Variants in NRIP1 observed in about 807,000 individuals in gnomAD.
The protein encoded by NRIP1 is nuclear receptor-interacting protein 1.
NRIP1 carries 28 observed loss-of-function variants against 75.0 expected under a neutral mutation model. The ratio of observed to expected loss-of-function variants is 0.37; its 90% CI spans 0.28 to 0.51. The LOEUF is 0.51. Ranked by LOEUF, NRIP1 falls within the 20% of genes least tolerant of loss-of-function variation. The pLI is 0.92. For synonymous variants in NRIP1, 526 were observed against 487.6 expected, an observed-to-expected ratio of 1.08 and a Z score of -1.04; for missense variants, 1,435 against 1,343.7, an observed-to-expected ratio of 1.07 and a Z score of -1.06.
chr21:15,060,831 G>T (rs181608479), intron 1 of NRIP1, among the ~76,000 whole-genome samples: 1 of 152,088 alleles, frequency 6.6e-6, no homozygotes, highest in South Asian at 2.1e-4. Context: ...GATGCAAACA[G>T]GATACAGAAA....
At position 14,965,190 on chromosome 21, in the gene NRIP1, T is replaced by C. The variant is rs1216445507; in HGVS notation, c.3003A>G (p.Ser1001=). The change falls in exon 4 of 4, where the codon TCA becomes TCG. Residue 1001 remains serine (S), a synonymous_variant. Coordinates refer to ENST00000318948, the MANE Select transcript of NRIP1 (RefSeq NM_003489.4). ...CAGGAGTTTTTACTACACCTGGGTA[T>C]GAAAATGTCCTGTTATCCATGCAAC... The part of the protein sequence containing the change: ...PSSCMDNRTF[S]YPGVVKTPVS... 2 of 1,613,592 alleles carry C rather than the reference T, an allele frequency of 1.2e-6. No homozygotes were observed. The highest frequency in any genetic ancestry group is 1.7e-6 in the Non-Finnish European group (2 of 1,179,916).
upstream of NRIP1, among the ~76,000 whole-genome samples, chr21:15,065,302 G>A (rs1348327373): frequency 1.3e-5 from 2 of 151,898 alleles, no homozygotes; most frequent in East Asian, 3.9e-4. Flanking sequence ...AGAGGACCGC[G>A]TCCCCGAGAG....
chr21:15,029,135 C>T (rs958506198), intron 2 of NRIP1, among the ~76,000 whole-genome samples: 5 of 152,132 alleles, frequency 3.3e-5, no homozygotes, highest in African/African-American at 9.7e-5. Flanking sequence ...TCATAATGGC[C>T]GCCTCACTGG....
At chr21:15,012,177 G>A (rs2088118772) in intron 3 of NRIP1, among the ~76,000 whole-genome samples, 1 of 152,118 alleles carries the variant, frequency 6.6e-6, no homozygotes. Flanking sequence ...CCTCCTTTTG[G>A]AGACACAGTC....
chr21:15,055,856 T>C (rs1462868151), intron 1 of NRIP1, among the ~76,000 whole-genome samples: 6 of 152,126 alleles, frequency 3.9e-5, no homozygotes, highest in African/African-American at 1.4e-4. Context: ...TTTTGGGCAT[T>C]TTAACTTAAC....
chr21:15,065,486 T>C (rs1054516316), upstream of NRIP1, among the ~76,000 whole-genome samples: 1 of 151,790 alleles, frequency 6.6e-6, no homozygotes. Context: ...CCCCAGACGC[T>C]CCAGGGTCCC....
intron 1 of NRIP1, among the ~76,000 whole-genome samples, chr21:15,047,830 TG>T (rs1403460777): frequency 6.6e-6 from 1 of 152,226 alleles, no homozygotes; most frequent in Admixed American, 6.5e-5. Flanking sequence ...CTTGGTGAAC[TG>T]GCACAAGAGG....
At chr21:15,036,457 T>C (rs1029654000) in intron 2 of NRIP1, among the ~76,000 whole-genome samples, 3 of 152,222 alleles carry the variant, frequency 2.0e-5, no homozygotes, top group South Asian at 2.1e-4. Flanking sequence ...CTATGTATGA[T>C]TACAGAATTC....
chr21:15,030,829 A>G (rs1305393906), intron 2 of NRIP1, among the ~76,000 whole-genome samples: 2 of 145,486 alleles, frequency 1.4e-5, no homozygotes, highest in East Asian at 1.9e-4. Context: ...ATGTGTATAC[A>G]CTCTGGAAGG....
intron 3 of NRIP1, among the ~76,000 whole-genome samples, chr21:14,985,431 T>C (rs992626946): frequency 7.2e-5 from 11 of 152,118 alleles, no homozygotes; most frequent in African/African-American, 2.7e-4. Flanking sequence ...TTAGAAAACA[T>C]GCGTGACTAA....
intron 3 of NRIP1, among the ~76,000 whole-genome samples, chr21:14,971,090 T>C (rs1322321450): frequency 6.6e-6 from 1 of 152,224 alleles, no homozygotes; most frequent in Non-Finnish European, 1.5e-5. Context: ...TTTCTCAGGT[T>C]GAAAATCATT....
chr21:14,997,519 T>C (rs1242146420), intron 3 of NRIP1, among the ~76,000 whole-genome samples: 1 of 151,758 alleles, frequency 6.6e-6, no homozygotes. Context: ...AGGTAAAAAA[T>C]AGACATAAAT....
At chr21:14,992,476 T>C (rs1158315594) in intron 3 of NRIP1, 2 of 152,182 alleles carry the variant, frequency 1.3e-5, no homozygotes, top group Non-Finnish European at 2.9e-5. Context: ...CACATTCCGT[T>C]TACATAAGAG....
Position 14,967,252 on chromosome 21 carries a change from C to G in NRIP1, c.941G>C (p.Ser314Thr). Residue 314 changes from serine to threonine, a missense_variant, in exon 4 of 4, where the codon AGT becomes ACT. Ser to Thr is a moderately conservative substitution (Grantham distance 58, BLOSUM62 1). Transcript: ENST00000318948. ...TGACATTCCTTTTGGGAGCTGGTAA[C>G]TGCCAACATCCTTCTGGCCATTTTC... The part of the protein sequence containing the change: ...LQENGQKDVG[S>T]YQLPKGMSSH... 6.2e-7 allele frequency: 1 copy of G among 1,613,986 alleles called. No individual in the cohort carries two copies. The highest frequency in any genetic ancestry group is 8.5e-7 in the Non-Finnish European group (1 of 1,179,984).
At chr21:15,006,032 A>T (rs1376571054) in intron 3 of NRIP1, among the ~76,000 whole-genome samples, 1 of 152,226 alleles carries the variant, frequency 6.6e-6, no homozygotes, top group African/African-American at 2.4e-5. Flanking sequence ...ATTTTTAAAA[A>T]AAAATACATG....
intron 1 of NRIP1, among the ~76,000 whole-genome samples, chr21:15,059,177 A>C (rs1345955358): frequency 2.0e-5 from 3 of 152,142 alleles, no homozygotes; most frequent in Non-Finnish European, 4.4e-5. Flanking sequence ...TAAGCGGATG[A>C]CTCAAATTCC....
intron 3 of NRIP1, among the ~76,000 whole-genome samples, chr21:14,996,487 G>C (rs2087728101): frequency 6.6e-6 from 1 of 152,090 alleles, no homozygotes; most frequent in African/African-American, 2.4e-5. Flanking sequence ...CACCCGCTAA[G>C]ATACGTCTTT....
intron 3 of NRIP1, among the ~76,000 whole-genome samples, chr21:14,975,686 AG>A (rs1481939664): frequency 4.5e-5 from 5 of 112,182 alleles, no homozygotes; most frequent in South Asian, 2.4e-4. Context: ...AAAGAAAGGG[AG>A]GGGAGGGGAG....
chr21:15,047,597 A>G (rs183353119), intron 1 of NRIP1, among the ~76,000 whole-genome samples: 2 of 152,236 alleles, frequency 1.3e-5, no homozygotes, highest in African/African-American at 4.8e-5. Context: ...ATGAGAACTC[A>G]CTATCACGAG....
Sources: allele counts gnomAD v4.1 joint callset (sites outside exome capture counted in the v4.1 genomes callset), GRCh38; gene constraint gnomAD v4.1.1; transcripts MANE v1.5; gene names NCBI Gene and HGNC (gene_info 2026-07-23, HGNC 2026-07-21).